The following ARB2A variants were observed in gnomAD, a reference collection of about 807,000 sequenced individuals.
ARB2A encodes the protein ARB2 cotranscriptional regulator A.
chr5:94,074,890 C>T, the ARB2A span: 1 of 614,170 alleles, frequency 1.6e-6, no homozygotes, highest in South Asian at 2.1e-5. Context: ...TTGTTGATGC[C>T]TATGCCATAG....
chr5:93,837,522 T>C, the ARB2A span, among the ~76,000 whole-genome samples: 1 of 152,000 alleles, frequency 6.6e-6, no homozygotes, highest in Non-Finnish European at 1.5e-5. Flanking sequence ...TCCCACTAGA[T>C]TGCTGGGTTG....
chr5:94,093,086 G>A, the ARB2A span, among the ~76,000 whole-genome samples: 2 of 151,848 alleles, frequency 1.3e-5, no homozygotes, highest in African/African-American at 4.8e-5. Flanking sequence ...TTATATACCT[G>A]TGTTGTTTGC....
At chr5:93,827,952 C>G in the ARB2A span, among the ~76,000 whole-genome samples, 2 of 152,090 alleles carry the variant, frequency 1.3e-5, no homozygotes, top group African/African-American at 4.8e-5. Flanking sequence ...TTCCATTGAT[C>G]TCTGTTTTGG....
the ARB2A span, among the ~76,000 whole-genome samples, chr5:93,894,686 G>A: frequency 6.6e-6 from 1 of 152,108 alleles, no homozygotes; most frequent in African/African-American, 2.4e-5. Context: ...CATCATCATC[G>A]CAGATCAGCA....
At chr5:93,651,052 T>G in the ARB2A span, among the ~76,000 whole-genome samples, 1 of 151,256 alleles carries the variant, frequency 6.6e-6, no homozygotes. Flanking sequence ...AGCTTAACAA[T>G]AATAGAGATG....
the ARB2A span, among the ~76,000 whole-genome samples, chr5:93,850,894 T>A: frequency 6.6e-6 from 1 of 152,190 alleles, no homozygotes; most frequent in East Asian, 1.9e-4. Flanking sequence ...AAATTTAATC[T>A]CCAATATTTA....
At chr5:93,874,182 G>A in the ARB2A span, among the ~76,000 whole-genome samples, 4 of 152,112 alleles carry the variant, frequency 2.6e-5, no homozygotes, top group South Asian at 2.1e-4. Context: ...ACTGTAATAC[G>A]AAAACATATT....
the ARB2A span, among the ~76,000 whole-genome samples, chr5:94,004,183 A>C: frequency 6.6e-6 from 1 of 152,242 alleles, no homozygotes; most frequent in Admixed American, 6.5e-5. Context: ...ATATGCAAAA[A>C]TTAACTCAAA....
chr5:94,087,500 C>T, the ARB2A span, among the ~76,000 whole-genome samples: 1 of 151,920 alleles, frequency 6.6e-6, no homozygotes, highest in Non-Finnish European at 1.5e-5. Flanking sequence ...TTTCATGTAG[C>T]CTAAGTGTAC....
chr5:93,908,335 ATATAT>A, the ARB2A span, among the ~76,000 whole-genome samples: 2 of 150,952 alleles, frequency 1.3e-5, no homozygotes, highest in African/African-American at 4.8e-5. Context: ...CACACACAAA[ATATAT>A]TAGTTTTATT....
chr5:93,722,791 A>G, the ARB2A span, among the ~76,000 whole-genome samples: 1 of 152,180 alleles, frequency 6.6e-6, no homozygotes, highest in South Asian at 2.1e-4. Flanking sequence ...GTAAACATAA[A>G]CAAAAGCCAC....
chr5:94,077,613 C>T, the ARB2A span, among the ~76,000 whole-genome samples: 1 of 152,122 alleles, frequency 6.6e-6, no homozygotes, highest in Non-Finnish European at 1.5e-5. Context: ...TGCATGACCA[C>T]AGATAAACAC....
the ARB2A span, among the ~76,000 whole-genome samples, chr5:93,977,932 T>C: frequency 1.3e-5 from 2 of 151,766 alleles, no homozygotes; most frequent in African/African-American, 2.4e-5. Flanking sequence ...AAAAAACAAA[T>C]AACCTCATCA....
the ARB2A span, among the ~76,000 whole-genome samples, chr5:94,038,364 T>C: frequency 6.6e-5 from 10 of 152,050 alleles, no homozygotes; most frequent in African/African-American, 1.9e-4. Context: ...AATGGTACTT[T>C]GAGAGTTACC....
chr5:93,779,518 A>G, the ARB2A span, among the ~76,000 whole-genome samples: 2 of 152,174 alleles, frequency 1.3e-5, no homozygotes, highest in African/African-American at 4.8e-5. Context: ...CATGCTGGAC[A>G]GGGTTAGCAG....
At chr5:93,888,639 T>G in the ARB2A span, among the ~76,000 whole-genome samples, 1 of 151,878 alleles carries the variant, frequency 6.6e-6, no homozygotes, top group African/African-American at 2.4e-5. Context: ...CAAAATATTA[T>G]CACTTTGACC....
chr5:94,045,419 G>A, the ARB2A span, among the ~76,000 whole-genome samples: 1 of 152,052 alleles, frequency 6.6e-6, no homozygotes, highest in Non-Finnish European at 1.5e-5. Flanking sequence ...TACAACATAA[G>A]TGTTAAAATC....
the ARB2A span, chr5:93,805,454 C>G: frequency 1.0e-6 from 1 of 985,006 alleles, no homozygotes; most frequent in African/African-American, 1.7e-5. Flanking sequence ...ATACTTCAGA[C>G]TCAGATCACC....
the ARB2A span, among the ~76,000 whole-genome samples, chr5:93,753,128 T>C: frequency 5.3e-5 from 8 of 152,188 alleles, no homozygotes; most frequent in African/African-American, 1.9e-4. Flanking sequence ...CAAGGCAAAG[T>C]ATAGATTTTC....
Sources: allele counts gnomAD v4.1 joint callset (sites outside exome capture counted in the v4.1 genomes callset), GRCh38; gene constraint gnomAD v4.1.1; transcripts MANE v1.5; gene names NCBI Gene and HGNC (gene_info 2026-07-23, HGNC 2026-07-21).